TRIM44: variants seen among roughly 807,000 people sequenced by gnomAD.
The protein encoded by TRIM44 is tripartite motif containing 44, also known as tripartite motif-containing protein 44.
In TRIM44, 13 loss-of-function variants were observed where a neutral mutation model predicts 37.4. That is an observed-to-expected ratio of 0.35 (90% CI 0.23 to 0.55). The LOEUF (loss-of-function observed/expected upper bound fraction) is 0.55. Ranked by LOEUF, TRIM44 falls within the 20% of genes least tolerant of loss-of-function variation. The probability of loss-of-function intolerance (pLI) is 0.89; values close to 1 mark genes in which losing one functional copy is unlikely to be tolerated. For missense variants in TRIM44, 426 were observed against 437.2 expected (o/e 0.97, Z 0.23); for synonymous variants, 175 against 157.2 (o/e 1.11, Z -0.85).
intron 4 of TRIM44, among the ~76,000 whole-genome samples, chr11:35,783,074 C>G (rs1381732729): frequency 2.6e-5 from 4 of 152,168 alleles, no homozygotes; most frequent in Admixed American, 6.5e-5. Flanking sequence ...AGACTCTATG[C>G]TAAGTGCTTT....
chr11:35,731,109 G>A (rs940430862), intron 3 of TRIM44, among the ~76,000 whole-genome samples: 2 of 152,080 alleles, frequency 1.3e-5, no homozygotes, highest in Non-Finnish European at 2.9e-5. Flanking sequence ...TACTGCAGTG[G>A]CTACAACCTC....
chr11:35,687,413 A>T (rs1851595115), intron 2 of TRIM44, among the ~76,000 whole-genome samples: 3 of 152,222 alleles, frequency 2.0e-5, no homozygotes, highest in African/African-American at 7.2e-5. Flanking sequence ...TCCTAGCTCA[A>T]AGTAGGAGGA....
rs1260562240 is a variant in TRIM44, at chr11:35,686,361, TGTTTTTG to T, written c.747+1026_747+1032del. 1.5e-3 allele frequency among the ~76,000 whole-genome samples: 225 copies of T among 150,354 alleles called. 1 individual carries two copies. Among genetic ancestry groups the T allele is most frequent in the African/African-American group, 5.3e-3 (215 of 40,532 alleles). ...ATTTTATTTTACTGTAGGTTCTTTT[TGTTTTTG>T]TTTTTGTTTTTTTTTTTTTTAAGAG... is the stretch of plus-strand genomic sequence containing the variant. On this transcript the variant is annotated intron_variant, in intron 2 of 4. Transcript: ENST00000299413.
intron 2 of TRIM44, among the ~76,000 whole-genome samples, chr11:35,716,961 A>G (rs935687589): frequency 2.9e-4 from 44 of 152,210 alleles, no homozygotes; most frequent in African/African-American, 1.1e-3. Flanking sequence ...GTATACACAT[A>G]AAGTGCTTAG....
In TRIM44 at chr11:35,816,613, T is replaced by A. The variant is rs1182635032; in HGVS notation, c.*10228T>A. 1 of 152,204 alleles carries A rather than the reference T, an allele frequency of 6.6e-6. No individual in the cohort carries two copies. The highest frequency in any genetic ancestry group is 1.9e-4 in the East Asian group (1 of 5,200). The allele number at this position is 152,204 out of a possible 1,614,324, so 9.4% of individuals were successfully genotyped here. A position where few individuals can be genotyped will look rare whatever the true frequency, so the allele number is the denominator to read the frequency against. Reference sequence around the variant, plus strand: ...GAAACTGTTAACATTGTGAACCACTTGACCCTAGTGTTGCATCTTCACAAA... The same window carrying A: ...GAAACTGTTAACATTGTGAACCACTAGACCCTAGTGTTGCATCTTCACAAA... On this transcript the variant is annotated 3_prime_UTR_variant, in exon 5 of 5. Coordinates refer to ENST00000299413, the MANE Select transcript of TRIM44 (RefSeq NM_017583.6).
chr11:35,729,670 A>C (rs1299973063), intron 3 of TRIM44, among the ~76,000 whole-genome samples: 4 of 152,240 alleles, frequency 2.6e-5, no homozygotes. Context: ...TGAGTGGGGC[A>C]GACAAGAATA....
intron 4 of TRIM44, among the ~76,000 whole-genome samples, chr11:35,805,717 T>C (rs528337713): frequency 1.3e-5 from 2 of 152,364 alleles, no homozygotes; most frequent in African/African-American, 4.8e-5. Context: ...GCTATTCTTA[T>C]ATGCTGTAGT....
chr11:35,776,021 A>T (rs999244097), intron 4 of TRIM44, among the ~76,000 whole-genome samples: 1 of 151,920 alleles, frequency 6.6e-6, no homozygotes, highest in South Asian at 2.1e-4. Flanking sequence ...CTTTTTATTG[A>T]TTGGAATAGT....
intron 3 of TRIM44, among the ~76,000 whole-genome samples, chr11:35,729,711 A>G (rs188495307): frequency 6.6e-6 from 1 of 152,354 alleles, no homozygotes; most frequent in African/African-American, 2.4e-5. Flanking sequence ...ACTTAAGGTG[A>G]CATATGAACC....
At chr11:35,667,425 A>C (rs908527509) in intron 1 of TRIM44, among the ~76,000 whole-genome samples, 1 of 152,216 alleles carries the variant, frequency 6.6e-6, no homozygotes, top group African/African-American at 2.4e-5. Context: ...GCTGGAATGC[A>C]GTGGTGGGAG....
At chr11:35,708,257 A>C (rs1590528862) in intron 2 of TRIM44, among the ~76,000 whole-genome samples, 1 of 152,400 alleles carries the variant, frequency 6.6e-6, no homozygotes, top group South Asian at 2.1e-4. Flanking sequence ...GTCAGGAAAC[A>C]ACAGGTGCTG....
At chr11:35,780,006 T>C in intron 4 of TRIM44, among the ~76,000 whole-genome samples, 1 of 152,154 alleles carries the variant, frequency 6.6e-6, no homozygotes, top group East Asian at 1.9e-4. Context: ...TTGGTTACTA[T>C]AGCCTTATAG....
chr11:35,681,224 A>AT (rs940067830), intron 1 of TRIM44, among the ~76,000 whole-genome samples: 1 of 152,064 alleles, frequency 6.6e-6, no homozygotes, highest in African/African-American at 2.4e-5. Context: ...GGTTCATTTG[A>AT]TTTTCACCAG....
chr11:35,744,295 T>TA (rs1462784789), intron 4 of TRIM44, among the ~76,000 whole-genome samples: 4 of 152,206 alleles, frequency 2.6e-5, no homozygotes, highest in Non-Finnish European at 5.9e-5. Flanking sequence ...ATACTCATGC[T>TA]AAAAAATTCA....
intron 2 of TRIM44, among the ~76,000 whole-genome samples, chr11:35,712,070 G>T (rs1851981484): frequency 2.6e-5 from 4 of 152,188 alleles, no homozygotes; most frequent in African/African-American, 9.7e-5. Flanking sequence ...ATCCCTTGGT[G>T]TGTGGTTTGT....
At position 35,725,991 on chromosome 11, in the gene TRIM44, A is replaced by T. The variant is rs1174767683; in HGVS notation, c.815A>T (p.Asp272Val). 4.3e-6 allele frequency: 7 copies of T among 1,614,090 alleles called. No homozygotes were observed. Among genetic ancestry groups the T allele is most frequent in the East Asian group, 2.2e-5 (1 of 44,866 alleles). ...AAGAAAGTTCAGAAAGTGATTGCTG[A>T]TGAGGAGCAGAAGGCCCTTCATCTA... The part of the protein sequence containing the change: ...EFKKVQKVIA[D>V]EEQKALHLVD... Residue 272 changes from aspartate to valine, a missense_variant, in exon 3 of 5, where the codon GAT becomes GTT. By Grantham distance (152) the Asp-to-Val change is radical (BLOSUM62 -3). Transcript: ENST00000299413.
chr11:35,790,079 AGTGCCCG>A (rs546091321), intron 4 of TRIM44, among the ~76,000 whole-genome samples: 219 of 152,264 alleles, frequency 1.4e-3, no homozygotes, highest in African/African-American at 5.0e-3. Flanking sequence ...TGCTTCTTTC[AGTGCCCG>A]GTACTTATGC....
rs1393164367 is a variant in TRIM44 at position 35,726,119 on chromosome 11, G to A, written c.943G>A (p.Glu315Lys). ...RLMTQMAQAK[E>K]QLDTSNESAE... ...GATGACTCAGATGGCCCAAGCCAAGGAACAACTTGATACCTCTAATGAATC... is the reference window on the plus strand; with the variant it reads ...GATGACTCAGATGGCCCAAGCCAAGAAACAACTTGATACCTCTAATGAATC... Residue 315 changes from glutamate to lysine, a missense_variant, in exon 3 of 5, where the codon GAA becomes AAA. Physicochemically the swap from Glu to Lys is moderately conservative, Grantham distance 56 (BLOSUM62 1). Transcript: ENST00000299413. The A allele has an allele frequency of 6.2e-7, 1 of 1,614,112 alleles. No individual in the cohort carries two copies. Among genetic ancestry groups the A allele is most frequent in the South Asian group, 1.1e-5 (1 of 91,076 alleles).
At position 35,802,766 on chromosome 11, in the gene TRIM44, T is replaced by A. The variant is rs147093125; in HGVS notation, c.1008-3592T>A. Among the ~76,000 whole-genome samples the A allele has an allele frequency of 1.8e-3, 274 of 152,238 alleles. 1 individual carries two copies. The highest frequency in any genetic ancestry group is 6.4e-3 in the African/African-American group (264 of 41,550). ...TCTTGAGACCTGCCACCTAGAAGGG[T>A]CAGAGTGATACTCAGCCTTTCTAGT... On this transcript the variant is annotated intron_variant, in intron 4 of 4. Transcript: ENST00000299413.
Sources: allele counts gnomAD v4.1 joint callset (sites outside exome capture counted in the v4.1 genomes callset), GRCh38; gene constraint gnomAD v4.1.1; transcripts MANE v1.5; gene names NCBI Gene and HGNC (gene_info 2026-07-23, HGNC 2026-07-21).